Variants in TRDN observed in about 807,000 individuals in gnomAD.
TRDN encodes the protein triadin in skeletal muscle.
A neutral mutation model predicts 149.7 loss-of-function variants in TRDN; 161 were observed. The observed-to-expected ratio is 1.08, with a 90% CI of 0.95 to 1.23. TRDN has a LOEUF of 1.23. Ranked by LOEUF, TRDN falls within the 50% of genes most tolerant of loss-of-function variation. The pLI is 0.00. For missense variants in TRDN, 896 were observed against 823.5 expected (o/e 1.09, Z -1.08); for synonymous variants, 294 against 250.5 (o/e 1.17, Z -1.64).
intron 10 of TRDN, among the ~76,000 whole-genome samples, chr6:123,455,352 G>C (rs999033439): frequency 6.6e-6 from 1 of 151,626 alleles, no homozygotes; most frequent in Non-Finnish European, 1.5e-5. Context: ...GCTGAGGGGT[G>C]CCATGTCTGT....
intron 24 of TRDN, among the ~76,000 whole-genome samples, chr6:123,313,300 A>T (rs1019891205): frequency 6.6e-6 from 1 of 151,958 alleles, no homozygotes. Context: ...CAGCCATCTC[A>T]GACTCTGCTC....
At chr6:123,522,517 CT>C (rs375665403) in intron 5 of TRDN, among the ~76,000 whole-genome samples, 6,416 of 86,732 alleles carry the variant, frequency 0.074, 91 homozygotes, top group South Asian at 0.13. Flanking sequence ...TGCGGTTCCT[CT>C]TTTTTTTTTT....
chr6:123,394,949 G>A (rs1772657699), intron 12 of TRDN, among the ~76,000 whole-genome samples: 1 of 151,864 alleles, frequency 6.6e-6, no homozygotes, highest in Non-Finnish European at 1.5e-5. Flanking sequence ...ATATATAACT[G>A]ACATTTAGTA....
chr6:123,258,677 T>C (rs982769666), intron 35 of TRDN, among the ~76,000 whole-genome samples: 2 of 152,148 alleles, frequency 1.3e-5, no homozygotes, highest in African/African-American at 4.8e-5. Flanking sequence ...GATTCCCTCT[T>C]TTTGTATTGT....
chr6:123,403,349 G>T (rs1477658134), intron 12 of TRDN, among the ~76,000 whole-genome samples: 1 of 152,156 alleles, frequency 6.6e-6, no homozygotes, highest in African/African-American at 2.4e-5. Flanking sequence ...AAGGTGGACA[G>T]TAACAAAATA....
At chr6:123,435,431 A>G (rs1774513367) in intron 12 of TRDN, among the ~76,000 whole-genome samples, 1 of 152,024 alleles carries the variant, frequency 6.6e-6, no homozygotes, top group South Asian at 2.1e-4. Flanking sequence ...TGAAAATATA[A>G]AGAATTATTA....
At chr6:123,249,148 G>A (rs529599987) in intron 38 of TRDN, among the ~76,000 whole-genome samples, 20 of 152,122 alleles carry the variant, frequency 1.3e-4, no homozygotes, top group East Asian at 3.9e-4. Context: ...CAGACATCTC[G>A]CAAAAGAATA....
chr6:123,240,609 C>A (rs921782516), intron 38 of TRDN, among the ~76,000 whole-genome samples: 3 of 151,658 alleles, frequency 2.0e-5, no homozygotes, highest in South Asian at 2.1e-4. Flanking sequence ...ACATTTAGAT[C>A]TAATTTTAGA....
At chr6:123,298,815 A>G (rs1226103391) in intron 24 of TRDN, among the ~76,000 whole-genome samples, 4 of 152,076 alleles carry the variant, frequency 2.6e-5, no homozygotes, top group Non-Finnish European at 5.9e-5. Context: ...CCATTAAAGG[A>G]AATACCACTT....
chr6:123,288,885 T>G (rs1177718719), intron 24 of TRDN, among the ~76,000 whole-genome samples: 3 of 151,860 alleles, frequency 2.0e-5, no homozygotes, highest in African/African-American at 7.2e-5. Context: ...ATTTCACGTC[T>G]GTTATATCCA....
At chr6:123,558,230 C>G (rs1239467371) in intron 2 of TRDN, among the ~76,000 whole-genome samples, 2 of 151,976 alleles carry the variant, frequency 1.3e-5, no homozygotes, top group East Asian at 3.9e-4. Flanking sequence ...ATCACTGAGT[C>G]TTTCCTCTTT....
At chr6:123,437,634 T>C (rs1158957034) in intron 12 of TRDN, among the ~76,000 whole-genome samples, 2 of 143,890 alleles carry the variant, frequency 1.4e-5, no homozygotes, top group African/African-American at 3.0e-5. Context: ...TCAAGAAAGA[T>C]AGTGCCCCAT....
At chr6:123,350,919 T>C (rs1260582366) in intron 21 of TRDN, 26 of 984,780 alleles carry the variant, frequency 2.6e-5, no homozygotes, top group Non-Finnish European at 3.0e-5. Context: ...TAAGAACCAT[T>C]TCCAGTCTCT....
In TRDN at chr6:123,221,484, T is replaced by G. The variant is rs745646762; in HGVS notation, c.2050+3A>C. ...ATTACTTTTAATCTCATTATAAACT[T>G]ACTTTTCTGCTTTGTGGGAGACACA... On this transcript the variant is annotated splice_donor_region_variant and intron_variant, in intron 40 of 40. Transcript: ENST00000334268. The G allele has an allele frequency of 3.2e-6, 5 of 1,555,556 alleles. No homozygotes were observed.
chr6:123,473,415 G>A (rs1475017283), intron 9 of TRDN, among the ~76,000 whole-genome samples: 3 of 151,622 alleles, frequency 2.0e-5, no homozygotes, highest in Admixed American at 1.3e-4. Flanking sequence ...AAAGAAGTGA[G>A]CAAAGCCTCC....
At chr6:123,335,919 C>A (rs1178827141) in intron 22 of TRDN, among the ~76,000 whole-genome samples, 2 of 151,888 alleles carry the variant, frequency 1.3e-5, no homozygotes, top group Non-Finnish European at 2.9e-5. Context: ...TTTTGATTTT[C>A]ACAAAATCAA....
At chr6:123,622,092 C>T (rs1031665985) in intron 1 of TRDN, among the ~76,000 whole-genome samples, 5 of 152,092 alleles carry the variant, frequency 3.3e-5, no homozygotes, top group Admixed American at 2.0e-4. Flanking sequence ...TCCTTAACCT[C>T]TTCTGCTTCT....
intron 1 of TRDN, among the ~76,000 whole-genome samples, chr6:123,577,599 A>C (rs1473691977): frequency 2.0e-5 from 3 of 152,036 alleles, no homozygotes; most frequent in Non-Finnish European, 4.4e-5. Context: ...AATGCTGCAA[A>C]ACATTTGCAT....
intron 30 of TRDN, among the ~76,000 whole-genome samples, 178 bp downstream of exon 30, chr6:123,270,961 A>G (rs1434660971): frequency 6.6e-6 from 1 of 151,854 alleles, no homozygotes; most frequent in Non-Finnish European, 1.5e-5. Context: ...AATTATATTG[A>G]ACATATTTTT....
Sources: gnomAD v4.1 joint callset for allele counts (sites outside exome capture counted in the v4.1 genomes callset) on GRCh38, gnomAD v4.1.1 for gene constraint, MANE v1.5 for transcripts, NCBI Gene and HGNC (gene_info 2026-07-23, HGNC 2026-07-21) for gene names.